LOXHD1: variants seen among roughly 807,000 people sequenced by gnomAD.
The protein encoded by LOXHD1 is lipoxygenase homology PLAT domains 1.
A neutral mutation model predicts 248.2 loss-of-function variants in LOXHD1; 205 were observed. That is an observed-to-expected ratio of 0.83 (90% CI 0.74 to 0.93). The LOEUF is 0.93. Ranked by LOEUF, LOXHD1 falls within the 40% of genes least tolerant of loss-of-function variation. The pLI, the probability that LOXHD1 is intolerant of heterozygous loss-of-function variation, is 0.00. For synonymous variants in LOXHD1, 1,113 were observed against 1,162.8 expected, an observed-to-expected ratio of 0.96 and a Z score of 0.87; for missense variants, 2,930 against 2,971.6, an observed-to-expected ratio of 0.99 and a Z score of 0.33.
intron 12 of LOXHD1, among the ~76,000 whole-genome samples, chr18:46,587,055 A>G (rs1173437775): frequency 6.6e-6 from 1 of 152,228 alleles, no homozygotes; most frequent in Non-Finnish European, 1.5e-5. Flanking sequence ...CACTTAAACC[A>G]TGAGTTAAGA....
At chr18:46,507,093 C>T (rs1008066207) in intron 36 of LOXHD1, among the ~76,000 whole-genome samples, 6 of 152,196 alleles carry the variant, frequency 3.9e-5, no homozygotes, top group Non-Finnish European at 7.3e-5. Context: ...TGTGGTTGCT[C>T]CAATGAAGGT....
At chr18:46,633,754 G>A (rs1187742611) in intron 4 of LOXHD1, among the ~76,000 whole-genome samples, 2 of 152,196 alleles carry the variant, frequency 1.3e-5, no homozygotes, top group African/African-American at 4.8e-5. Context: ...ATATGTAACA[G>A]AGGTCTACAA....
intron 21 of LOXHD1, among the ~76,000 whole-genome samples, chr18:46,553,685 C>T (rs957275560): frequency 4.6e-5 from 7 of 152,146 alleles, no homozygotes; most frequent in African/African-American, 1.7e-4. Context: ...AACTTACATT[C>T]TATTGTGGGG....
At chr18:46,627,642 G>A (rs78926874) in intron 4 of LOXHD1, among the ~76,000 whole-genome samples, 2,879 of 151,510 alleles carry the variant, frequency 0.019, 37 homozygotes, top group Middle Eastern at 0.052. Flanking sequence ...GTGGCTGGTG[G>A]TGGTTCTGGG....
intron 5 of LOXHD1, among the ~76,000 whole-genome samples, chr18:46,613,529 C>T (rs11082544): frequency 0.17 from 26,085 of 151,930 alleles, 2,669 homozygotes; most frequent in East Asian, 0.43. Context: ...CATTTTCAAC[C>T]GTTATAGCTT....
At chr18:46,609,130 CCT>C (rs751959336) in intron 6 of LOXHD1, among the ~76,000 whole-genome samples, 9 of 152,200 alleles carry the variant, frequency 5.9e-5, no homozygotes, top group Non-Finnish European at 1.2e-4. Flanking sequence ...TTTCTCTCCC[CCT>C]CTTTCTGTCT....
chr18:46,644,135 C>G (rs749441874), intron 2 of LOXHD1, among the ~76,000 whole-genome samples: 3 of 152,192 alleles, frequency 2.0e-5, no homozygotes, highest in Non-Finnish European at 4.4e-5. Context: ...AGCAACTCCC[C>G]CATCCCCAGC....
At chr18:46,526,375 G>A (rs980298559) in intron 29 of LOXHD1, among the ~76,000 whole-genome samples, 1 of 152,342 alleles carries the variant, frequency 6.6e-6, no homozygotes, top group African/African-American at 2.4e-5. Context: ...CTGGCAGAGA[G>A]AGATTTCCAA....
At chr18:46,594,305 C>T in intron 9 of LOXHD1, 26 bp downstream of exon 9, 1 of 1,551,240 alleles carries the variant, frequency 6.4e-7, no homozygotes, top group Non-Finnish European at 8.7e-7. Flanking sequence ...TGAGAGGCCT[C>T]CAGGTTCTGG....
intron 4 of LOXHD1, among the ~76,000 whole-genome samples, chr18:46,636,334 C>T (rs935580422): frequency 1.3e-5 from 2 of 152,186 alleles, no homozygotes; most frequent in Non-Finnish European, 2.9e-5. Flanking sequence ...AGTCCTGGTG[C>T]CCCCCAGCTC....
chr18:46,526,095 C>G (rs919801187), intron 29 of LOXHD1, among the ~76,000 whole-genome samples: 6 of 152,160 alleles, frequency 3.9e-5, no homozygotes, highest in African/African-American at 1.2e-4. Flanking sequence ...TGGGAGCAGT[C>G]CTGGGGTGCT....
At chr18:46,477,983 G>T in intron 40 of LOXHD1, 31 bp from the exon 41 acceptor site, 2 of 1,530,914 alleles carry the variant, frequency 1.3e-6, no homozygotes, top group East Asian at 4.9e-5. Context: ...TGGAGGGGTA[G>T]GGGCTAAGCA....
Position 46,545,299 on chromosome 18 carries a change from C to G in LOXHD1, c.3619+18G>C, listed in dbSNP as rs748143136. 6.6e-7 allele frequency: 1 copy of G among 1,525,186 alleles called. No homozygotes were observed. The allele number at this position is 1,525,186 out of a possible 1,614,324, so 94.5% of individuals were successfully genotyped here. On this transcript the variant is annotated intron_variant, in intron 23 of 40. Transcript: ENST00000642948. The stretch of plus-strand genomic sequence containing the variant: ...GGGAAGAATGTGGGTGAATCTTGGC[C>G]CTGCACTGCTTTCTTACCAGTGTCA...
At chr18:46,526,882 T>C (rs1473850804) in intron 29 of LOXHD1, among the ~76,000 whole-genome samples, 3 of 152,062 alleles carry the variant, frequency 2.0e-5, no homozygotes, top group Admixed American at 6.5e-5. Context: ...TGGCAATTGA[T>C]TGGATGTGGG....
chr18:46,599,049 G>A (rs748108339), intron 8 of LOXHD1, among the ~76,000 whole-genome samples: 12 of 152,086 alleles, frequency 7.9e-5, no homozygotes, highest in Non-Finnish European at 1.2e-4. Flanking sequence ...CAGTATAAAC[G>A]TAAAAATGAA....
intron 4 of LOXHD1, among the ~76,000 whole-genome samples, chr18:46,630,881 C>T (rs930379135): frequency 6.6e-6 from 1 of 152,170 alleles, no homozygotes; most frequent in South Asian, 2.1e-4. Context: ...CCTCAGAGAA[C>T]ATCTCGAGCA....
intron 37 of LOXHD1, among the ~76,000 whole-genome samples, chr18:46,492,133 A>G (rs1163041477): frequency 6.6e-6 from 1 of 152,188 alleles, no homozygotes; most frequent in Non-Finnish European, 1.5e-5. Context: ...GGCTGATGTC[A>G]TGTGTCTGGA....
intron 12 of LOXHD1, among the ~76,000 whole-genome samples, chr18:46,589,725 C>A (rs2038130713): frequency 6.6e-6 from 1 of 152,010 alleles, no homozygotes. Flanking sequence ...GTGCCCATAC[C>A]CCCAAATTTA....
chr18:46,560,052 TCCCCA>T, intron 19 of LOXHD1, 26 bp downstream of exon 19: 1 of 441,116 alleles, frequency 2.3e-6, no homozygotes, highest in Non-Finnish European at 3.6e-6. Context: ...GGCCACTCCC[TCCCCA>T]CCCCCACCCC....
Sources: allele counts gnomAD v4.1 joint callset (sites outside exome capture counted in the v4.1 genomes callset), GRCh38; gene constraint gnomAD v4.1.1; transcripts MANE v1.5; gene names NCBI Gene and HGNC (gene_info 2026-07-23, HGNC 2026-07-21).